Variants in CHST15 observed in about 807,000 individuals in gnomAD.
The protein encoded by CHST15 is B cell RAG associated protein (GALNAC4S-6ST).
A neutral mutation model predicts 53.6 loss-of-function variants in CHST15; 30 were observed. That is an observed-to-expected ratio of 0.56 (90% CI 0.42 to 0.76). CHST15 has a LOEUF of 0.76. Among genes scored for constraint, CHST15 ranks in the 30% least tolerant of loss-of-function variants. The probability of loss-of-function intolerance (pLI) is 0.00; values close to 1 mark genes in which losing one functional copy is unlikely to be tolerated. For missense variants in CHST15, 627 were observed against 740.5 expected, an observed-to-expected ratio of 0.85 and a Z score of 1.78; for synonymous variants, 296 against 289.8, an observed-to-expected ratio of 1.02 and a Z score of -0.22.
chr10:124,011,700 C>T (rs2133817123), intron 7 of CHST15: 4 of 985,464 alleles, frequency 4.1e-6, no homozygotes, highest in Non-Finnish European at 4.8e-6. Flanking sequence ...AAGTGACTCT[C>T]AGGCCCCTGG....
chr10:124,031,599 G>A (rs1482598413), intron 5 of CHST15, among the ~76,000 whole-genome samples: 1 of 152,198 alleles, frequency 6.6e-6, no homozygotes, highest in African/African-American at 2.4e-5. Flanking sequence ...GGGGTCCACT[G>A]TTGACCAAAA....
At chr10:124,081,368 ACATGCACGCATGCACAC>A (rs1392560948) in intron 1 of CHST15, among the ~76,000 whole-genome samples, 4 of 151,836 alleles carry the variant, frequency 2.6e-5, no homozygotes, top group Non-Finnish European at 5.9e-5. Flanking sequence ...GCATGCACAC[ACATGCACGCATGCACAC>A]ACACACGCGT....
At chr10:124,093,107 C>G in intron 1 of CHST15, among the ~76,000 whole-genome samples, 1 of 152,214 alleles carries the variant, frequency 6.6e-6, no homozygotes, top group East Asian at 1.9e-4. Context: ...GCGCAGGGCG[C>G]CCGGAGCGCG....
At chr10:124,045,249 CT>C (rs2134008202) in intron 2 of CHST15, among the ~76,000 whole-genome samples, 1 of 150,808 alleles carries the variant, frequency 6.6e-6, no homozygotes, top group South Asian at 2.1e-4. Flanking sequence ...TAAGCAGAAT[CT>C]TTTTACTAGT....
chr10:124,021,245 G>GT lies in CHST15; in HGVS notation c.1347+10_1347+11insA, dbSNP rs1554903201. 8.3e-6 allele frequency: 13 copies of GT among 1,568,868 alleles called. No homozygotes were observed. Among genetic ancestry groups the GT allele is most frequent in the Non-Finnish European group, 1.1e-5 (13 of 1,147,730 alleles). ...GCCAGCTCGGGGGGTACGGGGGGGGGGGGTACACACAGGCATGGCGTTGTT... is the reference window on the plus strand; with the variant it reads ...GCCAGCTCGGGGGGTACGGGGGGGGGTGGGTACACACAGGCATGGCGTTGTT... On this transcript the variant is annotated intron_variant, in intron 6 of 7. Coordinates refer to ENST00000435907, the MANE Select transcript of CHST15 (RefSeq NM_001270764.2).
Position 124,012,358 on chromosome 10 carries a change from G to A in CHST15, c.1470C>T (p.His490=), listed in dbSNP as rs1946440312. ...DHASNVKYTM[H]KVFQFLNLGP... ...CTAGGTTCAGAAACTGGAAGACCTT[G>A]TGCATGGTGTACTTGACGTTGGATG... The change falls in exon 7 of 8, where the codon CAC becomes CAT. Residue 490 remains histidine (H), a synonymous_variant. Coordinates refer to ENST00000435907, the MANE Select transcript of CHST15 (RefSeq NM_001270764.2). 1 of 1,614,014 alleles carries A rather than the reference G, an allele frequency of 6.2e-7. No individual in the cohort carries two copies. Among genetic ancestry groups the A allele is most frequent in the African/African-American group, 1.3e-5 (1 of 74,916 alleles).
chr10:124,066,255 G>C (rs1357055480), intron 1 of CHST15, among the ~76,000 whole-genome samples: 3 of 152,006 alleles, frequency 2.0e-5, no homozygotes, highest in Admixed American at 1.3e-4. Flanking sequence ...TTTGAGCGTC[G>C]ACCAGCTAGG....
chr10:124,011,143 G>A lies in CHST15; in HGVS notation c.1496-804C>T, dbSNP rs922811210. On this transcript the variant is annotated intron_variant, in intron 7 of 7. Transcript: ENST00000435907. The stretch of plus-strand genomic sequence containing the variant: ...CCTGAAACAGAACAGCAAGGGCTGC[G>A]ACCCCAACGCCCCGCCCTCTGGGCC... 6.3e-5 allele frequency: 58 copies of A among 927,318 alleles called. No homozygotes were observed. The Middle Eastern group carries it at 2.2e-3, about 35-fold the overall frequency. The allele number at this position is 927,318 out of a possible 1,614,324, so 57.4% of individuals were successfully genotyped here.
chr10:124,007,883 G>T lies in CHST15; in HGVS notation c.*2266C>A. ...AAATGCTCCAATTTGCTTTGGTTTT[G>T]AATGGCAGGCTCGAGAACCACCGCC... is the stretch of plus-strand genomic sequence containing the variant. On this transcript the variant is annotated 3_prime_UTR_variant, in exon 8 of 8. Coordinates refer to ENST00000435907, the MANE Select transcript of CHST15 (RefSeq NM_001270764.2). 8.1e-7 allele frequency: 1 copy of T among 1,232,100 alleles called. No individual in the cohort carries two copies. Among genetic ancestry groups the T allele is most frequent in the Non-Finnish European group, 1.0e-6 (1 of 987,972 alleles). 76.3% of individuals were successfully genotyped at this position (1,232,100 alleles called of 1,614,324 possible).
chr10:124,082,679 T>C (rs2134222651), intron 1 of CHST15, among the ~76,000 whole-genome samples: 1 of 152,276 alleles, frequency 6.6e-6, no homozygotes, highest in South Asian at 2.1e-4. Context: ...TGTCTATCAA[T>C]GGACAAATGG....
At chr10:124,057,815 T>C (rs1476554773) in intron 1 of CHST15, among the ~76,000 whole-genome samples, 1 of 152,098 alleles carries the variant, frequency 6.6e-6, no homozygotes, top group East Asian at 1.9e-4. Context: ...TGCTCTCTAA[T>C]AGGGTAATCA....
rs140144074 is a variant in CHST15, at chr10:124,046,122, G to A, written c.91C>T (p.His31Tyr). 1.9e-6 allele frequency: 3 copies of A among 1,614,220 alleles called. No homozygotes were observed. Among genetic ancestry groups the A allele is most frequent in the Non-Finnish European group, 2.5e-6 (3 of 1,180,048 alleles). The change falls in exon 2 of 8, where the codon CAC (histidine) becomes TAC (tyrosine). Residue 31 changes from histidine (H) to tyrosine (Y), a missense_variant. Physicochemically the swap from His to Tyr is moderately conservative, Grantham distance 83. Around this residue, in one of 3 missense-constraint regions of CHST15, gnomAD observed 187 missense variants for 251.8 expected, o/e 0.74. Coordinates refer to ENST00000435907, the MANE Select transcript of CHST15 (RefSeq NM_001270764.2). The stretch of plus-strand genomic sequence containing the variant: ...CCTTTGCACGTGGGGCACGCCTGGT[G>A]ACCGTGATGGGGGCCCCCTTGGCAG... ...VNCQGGPHHG[H>Y]QACPTCKGEN...
chr10:124,060,427 C>G (rs1478449322), intron 1 of CHST15, among the ~76,000 whole-genome samples: 1 of 147,194 alleles, frequency 6.8e-6, no homozygotes, highest in African/African-American at 2.5e-5. Context: ...CCAGCCCCAC[C>G]AGGGGTGTGT....
rs1196381850 is a variant in CHST15 at position 124,007,804 on chromosome 10, T to G, written c.*2345A>C. 1 of 1,231,950 alleles carries G rather than the reference T, an allele frequency of 8.1e-7. No individual in the cohort carries two copies. The highest frequency in any genetic ancestry group is 1.0e-6 in the Non-Finnish European group (1 of 987,964). 76.3% of individuals were successfully genotyped at this position (1,231,950 alleles called of 1,614,324 possible). On this transcript the variant is annotated 3_prime_UTR_variant, in exon 8 of 8. Coordinates refer to ENST00000435907, the MANE Select transcript of CHST15 (RefSeq NM_001270764.2). ...CTTACAGGACTAAGGGAGTACAATT[T>G]AACACGGTCACAACTTTTGAGAACA... is the stretch of plus-strand genomic sequence containing the variant.
At chr10:124,062,736 C>A (rs968346456) in intron 1 of CHST15, among the ~76,000 whole-genome samples, 1 of 152,112 alleles carries the variant, frequency 6.6e-6, no homozygotes, top group South Asian at 2.1e-4. Context: ...AATCAGTGGC[C>A]GAATACTTTT....
At chr10:124,020,282 C>A in intron 6 of CHST15, 4 of 985,502 alleles carry the variant, frequency 4.1e-6, no homozygotes, top group Non-Finnish European at 4.8e-6. Context: ...AGTCACAGAG[C>A]CAGCAAATGG....
chr10:124,079,034 A>G (rs1275536364), intron 1 of CHST15, among the ~76,000 whole-genome samples: 3 of 152,252 alleles, frequency 2.0e-5, no homozygotes, highest in East Asian at 1.9e-4. Flanking sequence ...CAGCATGTCA[A>G]TACAGCCACA....
At chr10:124,053,791 A>G (rs1948287086) in intron 1 of CHST15, among the ~76,000 whole-genome samples, 1 of 151,994 alleles carries the variant, frequency 6.6e-6, no homozygotes, top group Non-Finnish European at 1.5e-5. Context: ...GGTGGTGCAC[A>G]CCTGTAGTCC....
At chr10:124,011,094 GC>G in intron 7 of CHST15, 10 of 982,656 alleles carry the variant, frequency 1.0e-5, no homozygotes, top group Non-Finnish European at 1.2e-5. Context: ...TCACGCACAC[GC>G]CCCGCCCTCT....
Sources: gnomAD v4.1 joint callset for allele counts (sites outside exome capture counted in the v4.1 genomes callset) on GRCh38, gnomAD v4.1.1 for gene constraint, gnomAD v4.1.1 regional missense constraint, MANE v1.5 for transcripts, NCBI Gene and HGNC (gene_info 2026-07-23, HGNC 2026-07-21) for gene names.